Variants in TTLL5 observed in about 807,000 individuals in gnomAD.
TTLL5 encodes tubulin tyrosine ligase like 5.
Under a neutral mutation model 168.4 loss-of-function variants are expected in TTLL5, and 132 were observed. That is an observed-to-expected ratio of 0.78 (90% CI 0.68 to 0.91). The LOEUF is 0.91. TTLL5 is among the 40% of genes least tolerant of loss of function. TTLL5 has a pLI of 0.00. For synonymous variants in TTLL5, 546 were observed against 558.6 expected (o/e 0.98, Z 0.32); for missense variants, 1,545 against 1,581.5 (o/e 0.98, Z 0.39).
At chr14:75,941,673 C>A (rs1263183321) in intron 31 of TTLL5, among the ~76,000 whole-genome samples, 1 of 151,602 alleles carries the variant, frequency 6.6e-6, no homozygotes, top group Non-Finnish European at 1.5e-5. Flanking sequence ...TTACTGTATT[C>A]TTTTTTTCTG....
chr14:75,676,850 T>C (rs1053552807), intron 3 of TTLL5, among the ~76,000 whole-genome samples: 8 of 150,728 alleles, frequency 5.3e-5, no homozygotes, highest in Non-Finnish European at 7.4e-5. Context: ...AACTCACTAC[T>C]ACAGCCTTGA....
chr14:75,898,604 T>C (rs1024288081), intron 30 of TTLL5, among the ~76,000 whole-genome samples: 5 of 152,160 alleles, frequency 3.3e-5, no homozygotes, highest in African/African-American at 9.7e-5. Flanking sequence ...ATTGTGCCAC[T>C]ACACTCCAGC....
chr14:75,873,143 G>A (rs2031185622), intron 29 of TTLL5, among the ~76,000 whole-genome samples: 1 of 149,444 alleles, frequency 6.7e-6, no homozygotes, highest in Non-Finnish European at 1.5e-5. Context: ...GCTCAATCTC[G>A]GCTCATTGCA....
chr14:75,899,877 A>G (rs1280556864), intron 30 of TTLL5, among the ~76,000 whole-genome samples: 1 of 152,004 alleles, frequency 6.6e-6, no homozygotes, highest in Non-Finnish European at 1.5e-5. Context: ...TCCCTCAAGC[A>G]GTTTTCTATT....
intron 30 of TTLL5, 49 bp downstream of exon 30, chr14:75,882,951 T>G (rs770316433): frequency 8.9e-6 from 14 of 1,564,266 alleles, no homozygotes; most frequent in South Asian, 2.3e-5. Flanking sequence ...AGTTCTAAGC[T>G]AATAGTACTC....
At chr14:75,863,997 T>G (rs2030289131) in intron 29 of TTLL5, 135 bp downstream of exon 29, 2 of 859,748 alleles carry the variant, frequency 2.3e-6, no homozygotes, top group African/African-American at 3.6e-5. Flanking sequence ...CTTGGACAGC[T>G]CATGGGGAGT....
At chr14:75,885,349 G>A (rs925227085) in intron 30 of TTLL5, among the ~76,000 whole-genome samples, 3 of 151,788 alleles carry the variant, frequency 2.0e-5, no homozygotes, top group Non-Finnish European at 2.9e-5. Flanking sequence ...AAAATTAGCC[G>A]TGCATGATGG....
Position 75,885,276 on chromosome 14 carries a change from G to A in TTLL5, c.3740+2374G>A, listed in dbSNP as rs184484895. Reference sequence around the variant, plus strand: ...GAAGCCGAGGCGGGCAGATCAAGAGGTCGGGAGATCGAGACCATCCTAACT... The same window carrying A: ...GAAGCCGAGGCGGGCAGATCAAGAGATCGGGAGATCGAGACCATCCTAACT... On this transcript the variant is annotated intron_variant, in intron 30 of 31. Transcript: ENST00000298832. Among the ~76,000 whole-genome samples the A allele has an allele frequency of 9.3e-3, 1,414 of 152,238 alleles. 27 individuals are homozygous for A. Among genetic ancestry groups the A allele is most frequent in the African/African-American group, 0.032 (1,347 of 41,538 alleles).
intron 24 of TTLL5, 51 bp from the exon 25 acceptor site, chr14:75,782,436 G>C: frequency 7.0e-7 from 1 of 1,418,866 alleles, no homozygotes; most frequent in Non-Finnish European, 9.8e-7. Flanking sequence ...ATAGAACAGC[G>C]GACTTGCAAT....
At chr14:75,925,070 C>T (rs1271247697) in intron 31 of TTLL5, among the ~76,000 whole-genome samples, 7 of 142,156 alleles carry the variant, frequency 4.9e-5, no homozygotes, top group Non-Finnish European at 7.7e-5. Flanking sequence ...CAGGATGGGG[C>T]GGCTGGTCGG....
At chr14:75,938,285 G>A (rs1444644710) in intron 31 of TTLL5, among the ~76,000 whole-genome samples, 1 of 152,252 alleles carries the variant, frequency 6.6e-6, no homozygotes, top group Non-Finnish European at 1.5e-5. Context: ...TCTGTATGGA[G>A]ATACTTGTTA....
intron 17 of TTLL5, among the ~76,000 whole-genome samples, chr14:75,751,816 T>C (rs1361241862): frequency 6.6e-6 from 1 of 152,006 alleles, no homozygotes; most frequent in Non-Finnish European, 1.5e-5. Context: ...TTCTGGTGAG[T>C]CCATAAGGTA....
intron 6 of TTLL5, among the ~76,000 whole-genome samples, chr14:75,698,410 A>C (rs1886018085): frequency 6.6e-6 from 1 of 152,086 alleles, no homozygotes; most frequent in African/African-American, 2.4e-5. Flanking sequence ...ATTTACAGTG[A>C]ATTTTTTTTT....
At chr14:75,663,009 C>T in intron 1 of TTLL5, 46 bp from the exon 2 acceptor site, 1 of 737,150 alleles carries the variant, frequency 1.4e-6, no homozygotes, top group African/African-American at 1.7e-5. Context: ...TAGACAACTG[C>T]ATTGTGTTTC....
At position 75,912,179 on chromosome 14, in the gene TTLL5, C is replaced by T. The variant is rs1319871115; in HGVS notation, c.3823+9955C>T. On this transcript the variant is annotated intron_variant, in intron 31 of 31. Coordinates refer to ENST00000298832, the MANE Select transcript of TTLL5 (RefSeq NM_015072.5). ...CTCTCTCTATGGGATTGTTTCTCTCCTTTTTTTTTTTTACATTCAGTTTTC... is the reference window on the plus strand; with the variant it reads ...CTCTCTCTATGGGATTGTTTCTCTCTTTTTTTTTTTTTACATTCAGTTTTC... Among the ~76,000 whole-genome samples, 3 of 147,050 alleles carry T rather than the reference C, an allele frequency of 2.0e-5. No individual in the cohort carries two copies. The East Asian group carries it at 5.9e-4, about 29-fold the overall frequency.
chr14:75,893,634 C>T (rs1225297066), intron 30 of TTLL5, among the ~76,000 whole-genome samples: 2 of 151,694 alleles, frequency 1.3e-5, no homozygotes, highest in South Asian at 2.1e-4. Context: ...CTGGCTAACA[C>T]GTTGAAACCC....
At chr14:75,895,701 AT>A (rs2032624347) in intron 30 of TTLL5, among the ~76,000 whole-genome samples, 2 of 152,334 alleles carry the variant, frequency 1.3e-5, no homozygotes, top group Admixed American at 1.3e-4. Flanking sequence ...CTCTTAATAC[AT>A]TTATTTAAAA....
chr14:75,763,682 C>T (rs1890800471), intron 18 of TTLL5, among the ~76,000 whole-genome samples: 1 of 152,212 alleles, frequency 6.6e-6, no homozygotes, highest in Non-Finnish European at 1.5e-5. Context: ...TGACCCAGAG[C>T]CCTCTCTTTG....
chr14:75,773,153 T>G (rs1044279802), intron 21 of TTLL5, among the ~76,000 whole-genome samples: 1 of 152,208 alleles, frequency 6.6e-6, no homozygotes, highest in Non-Finnish European at 1.5e-5. Context: ...AAACAACTTA[T>G]GAATTTAAAG....
Sources: gnomAD v4.1 joint callset for allele counts (sites outside exome capture counted in the v4.1 genomes callset) on GRCh38, gnomAD v4.1.1 for gene constraint, MANE v1.5 for transcripts, NCBI Gene and HGNC (gene_info 2026-07-23, HGNC 2026-07-21) for gene names.